Variants in KLHL6 observed in about 807,000 individuals in gnomAD.
KLHL6 encodes the protein kelch like family member 6, also known as kelch-like protein 6.
KLHL6 carries 41 observed loss-of-function variants against 58.6 expected under a neutral mutation model. That is an observed-to-expected ratio of 0.70 (90% confidence interval 0.55 to 0.91). KLHL6 has a LOEUF of 0.91. Ranked by LOEUF, KLHL6 falls within the 40% of genes least tolerant of loss-of-function variation. KLHL6 has a pLI of 0.00. For missense variants in KLHL6, 714 were observed against 805.6 expected (o/e 0.89, Z 1.38); for synonymous variants, 338 against 322.7 (o/e 1.05, Z -0.51).
chr3:183,534,169 T>TTACTTTAAAAGTACTTTAAAAGACAC (rs1712284182), intron 1 of KLHL6, among the ~76,000 whole-genome samples: 2 of 18,612 alleles, frequency 1.1e-4, no homozygotes, highest in Non-Finnish European at 1.1e-4. Context: ...TTAAAAGACA[T>TTACTTTAAAAGTACTTTAAAAGACAC]TACTTTAAAA....
chr3:183,518,430 A>T, intron 2 of KLHL6, among the ~76,000 whole-genome samples: 1 of 152,158 alleles, frequency 6.6e-6, no homozygotes, highest in Non-Finnish European at 1.5e-5. Context: ...TAATCTTTAT[A>T]TTCTCCTGAC....
chr3:183,547,743 C>T (rs1712772847), intron 1 of KLHL6, among the ~76,000 whole-genome samples: 1 of 152,098 alleles, frequency 6.6e-6, no homozygotes, highest in African/African-American at 2.4e-5. Flanking sequence ...CTTTTTATTT[C>T]ATTCAGTCTT....
chr3:183,511,332 C>T (rs1718179795), intron 2 of KLHL6, among the ~76,000 whole-genome samples: 1 of 152,228 alleles, frequency 6.6e-6, no homozygotes, highest in African/African-American at 2.4e-5. Context: ...ACATGTCTCG[C>T]CTCCCGCCAC....
intron 2 of KLHL6, among the ~76,000 whole-genome samples, chr3:183,523,891 C>G (rs1711855590): frequency 6.6e-6 from 1 of 151,934 alleles, no homozygotes; most frequent in African/African-American, 2.4e-5. Context: ...TCCTGAGTAG[C>G]TGGGATTACA....
intron 1 of KLHL6, among the ~76,000 whole-genome samples, chr3:183,534,952 T>A (rs529085305): frequency 0.069 from 9,488 of 137,800 alleles, 440 homozygotes; most frequent in African/African-American, 0.15. Flanking sequence ...ATATATATAT[T>A]TTTTTTTTTT....
At chr3:183,526,008 A>G (rs922424139) in intron 2 of KLHL6, among the ~76,000 whole-genome samples, 1 of 152,228 alleles carries the variant, frequency 6.6e-6, no homozygotes, top group African/African-American at 2.4e-5. Flanking sequence ...TATCCATTCA[A>G]AAGAATAAAT....
chr3:183,516,763 G>A (rs1435148010), intron 2 of KLHL6, among the ~76,000 whole-genome samples: 1 of 152,206 alleles, frequency 6.6e-6, no homozygotes, highest in Non-Finnish European at 1.5e-5. Context: ...GTTGATCATG[G>A]TGTCCAAGTG....
chr3:183,536,653 C>T (rs1246187556), intron 1 of KLHL6, among the ~76,000 whole-genome samples: 5 of 152,152 alleles, frequency 3.3e-5, no homozygotes, highest in African/African-American at 1.2e-4. Flanking sequence ...TACACCAAGG[C>T]GTTAGCACGA....
intron 2 of KLHL6, among the ~76,000 whole-genome samples, chr3:183,516,809 T>C (rs1248616626): frequency 6.6e-6 from 1 of 152,264 alleles, no homozygotes; most frequent in African/African-American, 2.4e-5. Context: ...ATAAAGACAT[T>C]GATATTCTTA....
At chr3:183,550,856 C>T (rs1048813248) in intron 1 of KLHL6, among the ~76,000 whole-genome samples, 1 of 151,986 alleles carries the variant, frequency 6.6e-6, no homozygotes, top group South Asian at 2.1e-4. Flanking sequence ...CGCAGTGGCT[C>T]ACGCCTGTAA....
chr3:183,514,469 C>A (rs1343197247), intron 2 of KLHL6, among the ~76,000 whole-genome samples: 1 of 152,044 alleles, frequency 6.6e-6, no homozygotes, highest in African/African-American at 2.4e-5. Flanking sequence ...TCATCATCAC[C>A]ATCTGTTATG....
Position 183,491,824 on chromosome 3 carries a change from G to C in KLHL6, c.*103C>G. ...AGTCAAGGGGATCCCCTGATGTATG[G>C]CCTCAAACTCGAGCCTGCTGCCTGA... On this transcript the variant is annotated 3_prime_UTR_variant, in exon 7 of 7. Coordinates refer to ENST00000341319, the MANE Select transcript of KLHL6 (RefSeq NM_130446.4). 9.6e-7 allele frequency: 1 copy of C among 1,042,224 alleles called. No homozygotes were observed. 64.6% of individuals were successfully genotyped at this position (1,042,224 alleles called of 1,614,324 possible). A position where few individuals can be genotyped will look rare whatever the true frequency, so the allele number is the denominator to read the frequency against.
intron 1 of KLHL6, among the ~76,000 whole-genome samples, chr3:183,540,761 A>G (rs748331952): frequency 3.3e-5 from 5 of 152,104 alleles, no homozygotes; most frequent in Admixed American, 6.6e-5. Flanking sequence ...AAACATGGTG[A>G]TTATTCTTTA....
chr3:183,547,448 C>T (rs1712764226), intron 1 of KLHL6, among the ~76,000 whole-genome samples: 1 of 152,182 alleles, frequency 6.6e-6, no homozygotes, highest in Admixed American at 6.5e-5. Flanking sequence ...CCTTTTCTCA[C>T]ATGCATATCT....
chr3:183,537,277 G>A (rs941517424), intron 1 of KLHL6, among the ~76,000 whole-genome samples: 1 of 152,092 alleles, frequency 6.6e-6, no homozygotes, highest in Non-Finnish European at 1.5e-5. Context: ...AGCAGTGCAC[G>A]AAAACCAAGA....
chr3:183,492,794 G>A lies in KLHL6; in HGVS notation c.1351-87C>T, dbSNP rs572889059. ...CTCCCAGGATACAGGACAGAGCTCC[G>A]GGACACAGAACTGGGCATCTTTTGC... On this transcript the variant is annotated intron_variant, in intron 5 of 6. Coordinates refer to ENST00000341319, the MANE Select transcript of KLHL6 (RefSeq NM_130446.4). This position sits in a 1 kb window ranked among gnomAD's most constrained non-coding sequence, Gnocchi z 5.9. 24 of 1,253,992 alleles carry A rather than the reference G, an allele frequency of 1.9e-5. No homozygotes were observed. The highest frequency in any genetic ancestry group is 2.6e-5 in the South Asian group (2 of 76,964). The allele number at this position is 1,253,992 out of a possible 1,614,324, so 77.7% of individuals were successfully genotyped here.
chr3:183,497,764 G>T (rs939142210), intron 4 of KLHL6, among the ~76,000 whole-genome samples: 1 of 152,254 alleles, frequency 6.6e-6, no homozygotes, highest in East Asian at 1.9e-4. Context: ...GTCCTGCCCC[G>T]ACCCCTGCAT....
At position 183,491,356 on chromosome 3, in the gene KLHL6, G is replaced by C. The variant is rs996531940; in HGVS notation, c.*571C>G. ...TTGAACTCCTGACCTCAGGTCATCC[G>C]CCCGCCTCAGCCTCCCATAGGGCTG... On this transcript the variant is annotated 3_prime_UTR_variant, in exon 7 of 7. Transcript: ENST00000341319. 1 of 152,212 alleles carries C rather than the reference G, an allele frequency of 6.6e-6. No homozygotes were observed. Among genetic ancestry groups the C allele is most frequent in the Non-Finnish European group, 1.5e-5 (1 of 68,086 alleles). The allele number at this position is 152,212 out of a possible 1,614,324, so 9.4% of individuals were successfully genotyped here. A position where few individuals can be genotyped will look rare whatever the true frequency, so the allele number is the denominator to read the frequency against.
In KLHL6 at chr3:183,489,186, A is replaced by G. The variant is rs918650714; in HGVS notation, c.*2741T>C. On this transcript the variant is annotated 3_prime_UTR_variant, in exon 7 of 7. Coordinates refer to ENST00000341319, the MANE Select transcript of KLHL6 (RefSeq NM_130446.4). ...CTAGGGGCGCTGTCTTTTTGAAGGG[A>G]GGCTCCCTGTGTATGCCAGTACCAT... 2.0e-5 allele frequency: 3 copies of G among 152,142 alleles called. No homozygotes were observed. The highest frequency in any genetic ancestry group is 7.2e-5 in the African/African-American group (3 of 41,428). The allele number at this position is 152,142 out of a possible 1,614,324, so 9.4% of individuals were successfully genotyped here.
Sources: gnomAD v4.1 joint callset for allele counts (sites outside exome capture counted in the v4.1 genomes callset) on GRCh38, gnomAD v4.1.1 for gene constraint, Gnocchi (gnomAD v3.1) non-coding constraint, MANE v1.5 for transcripts, NCBI Gene and HGNC (gene_info 2026-07-23, HGNC 2026-07-21) for gene names.